The following ZNF124 variants were observed in gnomAD, a reference collection of about 807,000 sequenced individuals.
The protein encoded by ZNF124 is zinc finger protein HZF-16.
A neutral mutation model predicts 26.6 loss-of-function variants in ZNF124; 25 were observed. That is an observed-to-expected ratio of 0.94 (90% CI 0.68 to 1.31). The LOEUF (loss-of-function observed/expected upper bound fraction) is 1.31. Among genes scored for constraint, ZNF124 ranks in the 40% most tolerant of loss-of-function variants. The probability of loss-of-function intolerance (pLI) is 0.00; values close to 1 mark genes in which losing one functional copy is unlikely to be tolerated. For synonymous variants in ZNF124, 129 were observed against 133.3 expected, an observed-to-expected ratio of 0.97 and a Z score of 0.22; for missense variants, 444 against 422.2, an observed-to-expected ratio of 1.05 and a Z score of -0.45.
chr1:247,151,342 G>A (rs1310857156), downstream of ZNF124, among the ~76,000 whole-genome samples: 1 of 152,100 alleles, frequency 6.6e-6, no homozygotes, highest in African/African-American at 2.4e-5. Context: ...AGCCGGGCGT[G>A]GTGGCGGGCG....
chr1:247,136,209 A>G (rs1242629949), intron 3 of ZNF124, among the ~76,000 whole-genome samples: 1 of 152,154 alleles, frequency 6.6e-6, no homozygotes, highest in Non-Finnish European at 1.5e-5. Context: ...GAAGAGAGGA[A>G]GTCTGTTTGT....
intron 3 of ZNF124, among the ~76,000 whole-genome samples, chr1:247,145,628 C>T (rs924423725): frequency 6.8e-6 from 1 of 146,796 alleles, no homozygotes; most frequent in African/African-American, 2.6e-5. Context: ...TTATTAAAAA[C>T]TTCTGTTTTT....
chr1:247,152,709 T>C (rs74152960), downstream of ZNF124, among the ~76,000 whole-genome samples: 5,016 of 152,262 alleles, frequency 0.033, 291 homozygotes, highest in African/African-American at 0.11. Flanking sequence ...CACACCGTTA[T>C]GTCCAGATAA....
Position 247,156,468 on chromosome 1 carries a change from C to T in ZNF124, c.*98G>A. On this transcript the variant is annotated 3_prime_UTR_variant, in exon 4 of 4. Transcript: ENST00000543802. ...ATTCGTTTCATGTATTTGAGGAAATCTGGGAAAATTAAGTACTTTCCTACA... is the reference window on the plus strand; with the variant it reads ...ATTCGTTTCATGTATTTGAGGAAATTTGGGAAAATTAAGTACTTTCCTACA... The T allele has an allele frequency of 7.4e-7, 1 of 1,344,114 alleles. No homozygotes were observed. Among genetic ancestry groups the T allele is most frequent in the East Asian group, 2.7e-5 (1 of 36,604 alleles). 83.3% of individuals were successfully genotyped at this position (1,344,114 alleles called of 1,614,324 possible).
intron 1 of ZNF124, among the ~76,000 whole-genome samples, chr1:247,163,700 A>G (rs1407242279): frequency 2.6e-5 from 4 of 152,216 alleles, no homozygotes; most frequent in African/African-American, 9.7e-5. Flanking sequence ...AAATTCTACC[A>G]GATGTATTAA....
chr1:247,151,384 C>T (rs892482522), downstream of ZNF124, among the ~76,000 whole-genome samples: 29 of 150,688 alleles, frequency 1.9e-4, no homozygotes, highest in African/African-American at 6.8e-4. Context: ...GAGGCTGAGG[C>T]AGGAGAATGG....
At chr1:247,165,174 G>T (rs911896096) in intron 1 of ZNF124, among the ~76,000 whole-genome samples, 1 of 152,090 alleles carries the variant, frequency 6.6e-6, no homozygotes, top group African/African-American at 2.4e-5. Flanking sequence ...CACCGTGTTA[G>T]CGAGGATGGT....
At chr1:247,159,103 T>C (rs1370360614) in intron 2 of ZNF124, 37 bp from the exon 3 acceptor site, 1 of 1,582,574 alleles carries the variant, frequency 6.3e-7, no homozygotes, top group African/African-American at 1.4e-5. Flanking sequence ...ACAAATTATT[T>C]GAAATTATAG....
chr1:247,165,245 C>T (rs1015331321), intron 1 of ZNF124, among the ~76,000 whole-genome samples: 1 of 152,296 alleles, frequency 6.6e-6, no homozygotes, highest in East Asian at 1.9e-4. Context: ...GGATTACAGG[C>T]GTGAGCCACT....
intron 3 of ZNF124, among the ~76,000 whole-genome samples, chr1:247,143,226 C>T (rs1393557145): frequency 6.6e-6 from 1 of 152,120 alleles, no homozygotes; most frequent in Non-Finnish European, 1.5e-5. Context: ...CTTCAAGACA[C>T]ACCCAAATGC....
downstream of ZNF124, among the ~76,000 whole-genome samples, chr1:247,151,807 A>C (rs1240143765): frequency 6.6e-6 from 1 of 150,448 alleles, no homozygotes; most frequent in African/African-American, 2.4e-5. Flanking sequence ...ACACAACAGA[A>C]TTCAATGCTA....
intron 3 of ZNF124, among the ~76,000 whole-genome samples, chr1:247,133,254 AAG>A: frequency 1.3e-5 from 2 of 152,288 alleles, no homozygotes; most frequent in East Asian, 3.9e-4. Flanking sequence ...AAAAATGAAA[AAG>A]AATTAACAAA....
rs1673174764 is a variant in ZNF124 at position 247,156,953 on chromosome 1, G to T, written c.669C>A (p.Tyr223Ter). The T allele has an allele frequency of 1.2e-6, 2 of 1,610,536 alleles. No individual in the cohort carries two copies. Among genetic ancestry groups the T allele is most frequent in the Admixed American group, 1.7e-5 (1 of 59,660 alleles). The change falls in exon 4 of 4, where the codon TAC becomes TAA. Residue 223 changes from tyrosine to a stop codon, truncating the protein, a stop_gained. Transcript: ENST00000543802. LOFTEE classifies it high-confidence loss of function. Reference protein sequence around the residue: ...KAFRYSNCLHYHERTHTGEKP... With the variant: ...KAFRYSNCLH ...TCTCTCCAGTGTGAGTTCTTTCATG[G>T]TAATGAAGGCAATTGGAGTAACGGA...
downstream of ZNF124, among the ~76,000 whole-genome samples, chr1:247,154,108 CAT>C (rs572612968): frequency 2.3e-3 from 273 of 120,948 alleles, no homozygotes; most frequent in Non-Finnish European, 3.1e-3. Context: ...CTTGTACACG[CAT>C]ATGTGTGACA....
chr1:247,125,282 G>T (rs745977333), intron 3 of ZNF124, among the ~76,000 whole-genome samples: 3 of 152,014 alleles, frequency 2.0e-5, no homozygotes. Flanking sequence ...ACCTGGGGGT[G>T]GAGTTTTTGG....
At position 247,157,057 on chromosome 1, in the gene ZNF124, G is replaced by C. The variant is rs754748969; in HGVS notation, c.565C>G (p.Arg189Gly). The change falls in exon 4 of 4, where the codon CGT (arginine) becomes GGT (glycine). Residue 189 changes from arginine to glycine, a missense_variant. Arg to Gly is a moderately radical substitution (Grantham distance 125, BLOSUM62 -2). Coordinates refer to ENST00000543802, the MANE Select transcript of ZNF124 (RefSeq NM_001297568.2). ...ECKQCGKAFS[R>G]SSHLRDHERT... Reference sequence around the variant, plus strand: ...TCATGGTCACGAAGGTGACTGGAACGACTGAAGGCTTTCCCACATTGCTTA... The same window carrying C: ...TCATGGTCACGAAGGTGACTGGAACCACTGAAGGCTTTCCCACATTGCTTA... The C allele has an allele frequency of 6.8e-6, 11 of 1,612,504 alleles. No homozygotes were observed. The highest frequency in any genetic ancestry group is 9.3e-6 in the Non-Finnish European group (11 of 1,179,646).
At chr1:247,145,519 G>C (rs542543734) in intron 3 of ZNF124, among the ~76,000 whole-genome samples, 3 of 152,246 alleles carry the variant, frequency 2.0e-5, no homozygotes, top group Non-Finnish European at 4.4e-5. Flanking sequence ...CTTTCACCAA[G>C]AACCACAAGT....
chr1:247,156,584 A>G lies in ZNF124; in HGVS notation c.1038T>C (p.Tyr346=). ...HKKTHTGEKP[Y]KCKKM is the part of the protein sequence containing the mutation. ...AAAGCCTTTACATTTTTTTACATTT[A>G]TAGGGCTTTTCTCCAGTATGAGTTT... The change falls in exon 4 of 4, where the codon TAT becomes TAC. Residue 346 remains tyrosine (Y), a synonymous_variant. Transcript: ENST00000543802. 1 of 1,542,382 alleles carries G rather than the reference A, an allele frequency of 6.5e-7. No homozygotes were observed. The highest frequency in any genetic ancestry group is 8.7e-7 in the Non-Finnish European group (1 of 1,151,556).
chr1:247,130,526 T>TC (rs1230470342), intron 3 of ZNF124, among the ~76,000 whole-genome samples: 1 of 152,238 alleles, frequency 6.6e-6, no homozygotes, highest in Non-Finnish European at 1.5e-5. Context: ...TACCTGGATG[T>TC]CCAAGTTTAA....
Sources: gnomAD v4.1 joint callset for allele counts (sites outside exome capture counted in the v4.1 genomes callset) on GRCh38, gnomAD v4.1.1 for gene constraint, MANE v1.5 for transcripts, NCBI Gene and HGNC (gene_info 2026-07-23, HGNC 2026-07-21) for gene names.